The following TMEM187 variants were observed in gnomAD, a reference collection of about 807,000 sequenced individuals.
TMEM187 encodes the protein chromosome X open reading frame 12.
TMEM187 carries 14 observed loss-of-function variants against 11.8 expected under a neutral mutation model. That is an observed-to-expected ratio of 1.18 (90% CI 0.78 to 1.85). TMEM187 has a LOEUF of 1.85. Ranked by LOEUF, TMEM187 falls within the 40% of genes most tolerant of loss-of-function variation. TMEM187 has a pLI of 0.00. For missense variants in TMEM187, 227 were observed against 243.9 expected, an observed-to-expected ratio of 0.93 and a Z score of 0.46; for synonymous variants, 112 against 118.5, an observed-to-expected ratio of 0.95 and a Z score of 0.36.
At chrX:153,979,035 G>A (rs1232724844) in intron 1 of TMEM187, among the ~76,000 whole-genome samples, 24 of 111,804 alleles carry the variant, frequency 2.1e-4, no homozygotes, top group Admixed American at 2.8e-4. Flanking sequence ...TGATCCACCC[G>A]CCTCTGCCTC....
rs376312251 is a variant in TMEM187 at position 153,982,287 on chromosome X, C to T, written c.225C>T (p.Gly75=). The T allele has an allele frequency of 6.0e-5, 73 of 1,210,665 alleles. No individual in the cohort carries two copies. The African/African-American group carries it at 1.1e-3, about 18-fold the overall frequency. ...TLLGLSWLHR[G]GAMGLGPRYL... ...TGGGGCTGTCGTGGCTGCACAGGGG[C>T]GGCGCGATGGGGCTGGGTCCCCGCT... The change falls in exon 2 of 2, where the codon GGC becomes GGT. Residue 75 remains glycine, a synonymous_variant. Coordinates refer to ENST00000369982, the MANE Select transcript of TMEM187 (RefSeq NM_003492.3).
chrX:153,982,623 C>T lies in TMEM187; in HGVS notation c.561C>T (p.Ser187=). 1 of 1,212,057 alleles carries T rather than the reference C, an allele frequency of 8.3e-7. No homozygotes were observed. ...TGCGCACCCACAGGCACTATGGCAG[C>T]ACCACCTCGGCTACCTACTTAGCTT... ...QALRTHRHYG[S]TTSATYLALG... The change falls in exon 2 of 2, where the codon AGC becomes AGT. Residue 187 remains serine, a synonymous_variant. Coordinates refer to ENST00000369982, the MANE Select transcript of TMEM187 (RefSeq NM_003492.3).
At chrX:153,978,569 CTTTTTTTTTTTT>C (rs781940360) in intron 1 of TMEM187, among the ~76,000 whole-genome samples, 8 of 38,915 alleles carry the variant, frequency 2.1e-4, no homozygotes, top group Non-Finnish European at 3.4e-4. Flanking sequence ...CGCCTGGCCA[CTTTTTTTTTTTT>C]TTTTTTTTTT....
intron 1 of TMEM187, among the ~76,000 whole-genome samples, chrX:153,978,093 C>T (rs1019023446): frequency 3.7e-4 from 40 of 106,954 alleles, no homozygotes; most frequent in Non-Finnish European, 7.0e-4. Flanking sequence ...TAGTTGTAAT[C>T]CCAGCTACTC....
chrX:153,979,958 C>T (rs782396639), intron 1 of TMEM187, among the ~76,000 whole-genome samples: 1 of 108,747 alleles, frequency 9.2e-6, no homozygotes, highest in Admixed American at 9.9e-5. Flanking sequence ...AGGATGCTCT[C>T]GATCTCCTGA....
intron 1 of TMEM187, among the ~76,000 whole-genome samples, chrX:153,974,103 C>G (rs1177292376): frequency 2.7e-5 from 3 of 112,136 alleles, no homozygotes; most frequent in African/African-American, 9.7e-5. Context: ...GCTCGGTTTT[C>G]CTGGGGGTCT....
intron 1 of TMEM187, among the ~76,000 whole-genome samples, chrX:153,974,510 G>A (rs2065570456): frequency 8.9e-6 from 1 of 112,523 alleles, no homozygotes; most frequent in Non-Finnish European, 1.9e-5. Flanking sequence ...GGGCTGGATG[G>A]GGATGGCACT....
Position 153,982,439 on chromosome X carries a change from C to A in TMEM187, c.377C>A (p.Pro126His), listed in dbSNP as rs1557122695. ...CTCACACTGCCCATCTTTGCATGGC[C>A]CGTGGCCTGGTGCCTCTACCTAGAC... ...QWLTLPIFAW[P>H]VAWCLYLDRG... Residue 126 changes from proline (P) to histidine (H), a missense_variant, in exon 2 of 2, where the codon CCC becomes CAC. Coordinates refer to ENST00000369982, the MANE Select transcript of TMEM187 (RefSeq NM_003492.3). The A allele has an allele frequency of 4.2e-6, 5 of 1,202,483 alleles. No individual in the cohort carries two copies. The Admixed American group carries it at 1.1e-4, about 26-fold the overall frequency.
Position 153,982,502 on chromosome X carries a change from G to T in TMEM187, c.440G>T (p.Cys147Phe). 1 of 1,204,137 alleles carries T rather than the reference G, an allele frequency of 8.3e-7. No homozygotes were observed. Reference sequence around the variant, plus strand: ...CCCTGGCTGTTCCTCTCTCTTGAGTGCGTCTCCCTGGCCAGTTATGGCCTC... The same window carrying T: ...CCCTGGCTGTTCCTCTCTCTTGAGTTCGTCTCCCTGGCCAGTTATGGCCTC... ...WRPWLFLSLE[C>F]VSLASYGLAL... The change falls in exon 2 of 2, where the codon TGC (cysteine) becomes TTC (phenylalanine). Residue 147 changes from cysteine to phenylalanine, a missense_variant. Transcript: ENST00000369982.
In TMEM187 at chrX:153,980,914, G is replaced by A. The variant is rs782756465; in HGVS notation, c.-213-936G>A. 2.3e-4 allele frequency among the ~76,000 whole-genome samples: 23 copies of A among 100,242 alleles called. No homozygotes were observed. In the East Asian group the frequency reaches 6.4e-3, roughly 28 times the overall value. The allele number at this position is 100,242 out of a possible 115,157, so 87.0% of individuals were successfully genotyped here. ...AGCCTGGGCAACAGAGTGAGACTCC[G>A]TCTCAAAAAAAAAAAAAAAGGTGCA... On this transcript the variant is annotated intron_variant, in intron 1 of 1. Coordinates refer to ENST00000369982, the MANE Select transcript of TMEM187 (RefSeq NM_003492.3).
At chrX:153,980,569 A>G (rs2065596500) in intron 1 of TMEM187, 1 of 111,384 alleles carries the variant, frequency 9.0e-6, no homozygotes, top group Non-Finnish European at 1.9e-5. Flanking sequence ...GGGCTGGCAC[A>G]GATGGTTTCT....
At chrX:153,976,351 C>T (rs1204578785) in intron 1 of TMEM187, among the ~76,000 whole-genome samples, 1 of 110,864 alleles carries the variant, frequency 9.0e-6, no homozygotes, top group Non-Finnish European at 1.9e-5. Context: ...GCCAACATGG[C>T]GAAACCCCAT....
At chrX:153,979,797 C>T (rs1014193449) in intron 1 of TMEM187, among the ~76,000 whole-genome samples, 3 of 97,223 alleles carry the variant, frequency 3.1e-5, no homozygotes, top group African/African-American at 7.5e-5. Context: ...AGTGCAGTGG[C>T]GCGATCTCAG....
intron 1 of TMEM187, among the ~76,000 whole-genome samples, chrX:153,973,535 C>T (rs182842702): frequency 1.8e-5 from 2 of 111,740 alleles, no homozygotes; most frequent in Admixed American, 9.5e-5. Flanking sequence ...CATAGCGAGA[C>T]CCGGAGGCAT....
intron 1 of TMEM187, among the ~76,000 whole-genome samples, chrX:153,974,713 A>G (rs2065571202): frequency 8.9e-6 from 1 of 112,179 alleles, no homozygotes; most frequent in Admixed American, 9.4e-5. Context: ...CGGGTGCCCC[A>G]TGCTGAGATG....
chrX:153,981,945 GAAATC>G lies in TMEM187; in HGVS notation c.-116_-112del. 8 of 1,157,081 alleles carry G rather than the reference GAAATC, an allele frequency of 6.9e-6. No individual in the cohort carries two copies. Among genetic ancestry groups the G allele is most frequent in the Non-Finnish European group, 8.1e-6 (7 of 859,820 alleles). On this transcript the variant is annotated 5_prime_UTR_variant, in exon 2 of 2. An upstream open reading frame in the 5' UTR gains an earlier in-frame stop. Transcript: ENST00000369982. ...TCGCAGCATCTGCCTCGGAAATCAC[GAAATC>G]ACGGGGCTTCTTTCTGCTGGCTCAG...
chrX:153,973,853 G>C (rs1429770761), intron 1 of TMEM187, among the ~76,000 whole-genome samples: 1 of 112,286 alleles, frequency 8.9e-6, no homozygotes, highest in Non-Finnish European at 1.9e-5. Flanking sequence ...AAATGCTAAA[G>C]GCCTGGAGGT....
intron 1 of TMEM187, among the ~76,000 whole-genome samples, chrX:153,973,729 C>T (rs1449701954): frequency 1.8e-5 from 2 of 112,245 alleles, no homozygotes; most frequent in Non-Finnish European, 3.8e-5. Context: ...CTGCTGGTTT[C>T]CAAGGGCCTT....
Position 153,975,169 on chromosome X carries a change from C to T in TMEM187, c.-214+2309C>T, listed in dbSNP as rs782724876. ...TATATTGTCTCTTCATTGTTGATTG[C>T]TTCTGTGCTGTGCAAAAGCTTTTTA... On this transcript the variant is annotated intron_variant, in intron 1 of 1. Coordinates refer to ENST00000369982, the MANE Select transcript of TMEM187 (RefSeq NM_003492.3). Among the ~76,000 whole-genome samples, 5 of 111,527 alleles carry T rather than the reference C, an allele frequency of 4.5e-5. No homozygotes were observed. In the South Asian group the frequency reaches 1.5e-3, roughly 33 times the overall value.
Sources: gnomAD v4.1 joint callset for allele counts (sites outside exome capture counted in the v4.1 genomes callset) on GRCh38, gnomAD v4.1.1 for gene constraint, MANE v1.5 for transcripts, NCBI Gene and HGNC (gene_info 2026-07-23, HGNC 2026-07-21) for gene names.